Variants in NKAIN2 observed in about 807,000 individuals in gnomAD.
The protein encoded by NKAIN2 is sodium/potassium-transporting ATPase subunit beta-1-interacting protein 2.
In NKAIN2, 14 loss-of-function variants were observed where a neutral mutation model predicts 32.6. The observed-to-expected ratio is 0.43, with a 90% CI of 0.28 to 0.67. The LOEUF (loss-of-function observed/expected upper bound fraction) is 0.67. Among genes scored for constraint, NKAIN2 ranks in the 30% least tolerant of loss-of-function variants. The pLI, the probability that NKAIN2 is intolerant of heterozygous loss-of-function variation, is 0.17. For missense variants in NKAIN2, 198 were observed against 258.3 expected, an observed-to-expected ratio of 0.77 and a Z score of 1.60; for synonymous variants, 80 against 87.2, an observed-to-expected ratio of 0.92 and a Z score of 0.46.
At chr6:124,645,467 C>T (rs113095526) in intron 3 of NKAIN2, among the ~76,000 whole-genome samples, 181 of 152,328 alleles carry the variant, frequency 1.2e-3, no homozygotes, top group African/African-American at 4.2e-3. Context: ...TTAAAAACTG[C>T]ATACTATGCA....
chr6:124,125,975 C>T (rs163294), intron 1 of NKAIN2, among the ~76,000 whole-genome samples: 94,297 of 151,840 alleles, frequency 0.62, 29,439 homozygotes, highest in East Asian at 0.74. Flanking sequence ...CATCATCACC[C>T]TCTTCACCAC....
chr6:124,004,623 A>G (rs1780001779), intron 1 of NKAIN2, among the ~76,000 whole-genome samples: 2 of 151,838 alleles, frequency 1.3e-5, no homozygotes, highest in South Asian at 4.2e-4. Flanking sequence ...AGAAAACCAA[A>G]CACTGCATGT....
chr6:124,134,332 C>T (rs1200633711), intron 1 of NKAIN2, among the ~76,000 whole-genome samples: 2 of 152,028 alleles, frequency 1.3e-5, no homozygotes, highest in Non-Finnish European at 2.9e-5. Context: ...CTAACCCCAT[C>T]AGACAAAGAA....
intron 2 of NKAIN2, among the ~76,000 whole-genome samples, chr6:124,300,787 A>G (rs1362896050): frequency 6.6e-6 from 1 of 152,156 alleles, no homozygotes; most frequent in Non-Finnish European, 1.5e-5. Context: ...TGCCCTAGAG[A>G]TCTGTGAAAC....
chr6:123,823,713 GAAGT>G (rs1042042591), intron 1 of NKAIN2, among the ~76,000 whole-genome samples: 3 of 152,058 alleles, frequency 2.0e-5, no homozygotes, highest in Admixed American at 2.0e-4. Context: ...GAAGAGAAAA[GAAGT>G]AATTTGAGTA....
At chr6:124,767,861 C>T (rs2114751668) in intron 4 of NKAIN2, among the ~76,000 whole-genome samples, 1 of 152,270 alleles carries the variant, frequency 6.6e-6, no homozygotes, top group South Asian at 2.1e-4. Context: ...CACTAAAGTG[C>T]AATCTCTGGG....
chr6:124,497,613 A>G (rs1778111244), intron 3 of NKAIN2, among the ~76,000 whole-genome samples: 4 of 152,110 alleles, frequency 2.6e-5, no homozygotes, highest in Admixed American at 2.6e-4. Flanking sequence ...TTGGAAAAAT[A>G]ATTATCTTTA....
rs1363719973 is a variant in NKAIN2, at chr6:124,221,542, AACTT to A, written c.55-61461_55-61458del. Among the ~76,000 whole-genome samples the A allele has an allele frequency of 2.0e-5, 3 of 152,266 alleles. No homozygotes were observed. The East Asian group carries it at 5.8e-4, about 30-fold the overall frequency. ...TGCACAATGTGCACATGTGCCCTAA[AACTT>A]AAAGTATAATAATAAGAGAGAGAAA... On this transcript the variant is annotated intron_variant, in intron 1 of 6. Transcript: ENST00000368417.
intron 1 of NKAIN2, among the ~76,000 whole-genome samples, chr6:124,028,030 CT>C (rs1332503236): frequency 6.6e-6 from 1 of 152,094 alleles, no homozygotes; most frequent in African/African-American, 2.4e-5. Context: ...TATAATGATA[CT>C]GGAAGATATG....
chr6:124,446,492 G>A (rs1775899362), intron 3 of NKAIN2, among the ~76,000 whole-genome samples: 1 of 151,776 alleles, frequency 6.6e-6, no homozygotes, highest in South Asian at 2.1e-4. Flanking sequence ...ACAGCCATGT[G>A]CTACCACACC....
chr6:124,128,562 A>G (rs1786300253), intron 1 of NKAIN2, among the ~76,000 whole-genome samples: 1 of 152,090 alleles, frequency 6.6e-6, no homozygotes, highest in Non-Finnish European at 1.5e-5. Flanking sequence ...AAGCATTCAA[A>G]TTTTCCCCAT....
intron 1 of NKAIN2, among the ~76,000 whole-genome samples, chr6:123,886,143 A>G (rs927446755): frequency 6.6e-6 from 1 of 152,120 alleles, no homozygotes; most frequent in Non-Finnish European, 1.5e-5. Context: ...AGGAACATAC[A>G]GATTCACTGG....
At chr6:123,818,343 C>A (rs1490355) in intron 1 of NKAIN2, among the ~76,000 whole-genome samples, 1 of 143,822 alleles carries the variant, frequency 7.0e-6, no homozygotes, top group Non-Finnish European at 1.5e-5. Context: ...AATTTTCAGA[C>A]TTCTTGTGGA....
intron 3 of NKAIN2, among the ~76,000 whole-genome samples, chr6:124,553,243 A>G (rs1392068184): frequency 6.6e-6 from 1 of 152,218 alleles, no homozygotes; most frequent in Non-Finnish European, 1.5e-5. Flanking sequence ...TATGGTAGAT[A>G]AAAGGGACAG....
intron 1 of NKAIN2, among the ~76,000 whole-genome samples, chr6:123,972,943 A>G (rs1778408160): frequency 1.3e-5 from 2 of 152,182 alleles, no homozygotes; most frequent in Non-Finnish European, 2.9e-5. Flanking sequence ...CATAAAATTA[A>G]TATAATCAAA....
At position 124,286,547 on chromosome 6, in the gene NKAIN2, A is replaced by G. The variant is rs56133411; in HGVS notation, c.192+3405A>G. Among the ~76,000 whole-genome samples the G allele has an allele frequency of 2.1e-3, 319 of 152,248 alleles. 2 individuals are homozygous for G. Among genetic ancestry groups the G allele is most frequent in the African/African-American group, 6.9e-3 (287 of 41,552 alleles). On this transcript the variant is annotated intron_variant, in intron 2 of 6. Transcript: ENST00000368417. ...TCATAGTTGTTAATTTGATAGAAGA[A>G]AAAATGTTATTTTCATTTTTAATTG...
At chr6:124,727,221 T>C (rs1480478585) in intron 4 of NKAIN2, among the ~76,000 whole-genome samples, 3 of 151,172 alleles carry the variant, frequency 2.0e-5, no homozygotes, top group Admixed American at 1.3e-4. Context: ...ACAAAGATAC[T>C]CCTCGAGAAG....
intron 1 of NKAIN2, among the ~76,000 whole-genome samples, chr6:124,136,198 C>T (rs1425812838): frequency 1.3e-5 from 2 of 151,904 alleles, no homozygotes; most frequent in Non-Finnish European, 2.9e-5. Flanking sequence ...GATATTACAA[C>T]CAATACCACA....
chr6:124,746,281 A>T (rs1007424364), intron 4 of NKAIN2, among the ~76,000 whole-genome samples: 3 of 151,920 alleles, frequency 2.0e-5, no homozygotes, highest in African/African-American at 7.2e-5. Context: ...AGGAGAAAAG[A>T]AAATTAGTGC....
Sources: allele counts gnomAD v4.1 joint callset (sites outside exome capture counted in the v4.1 genomes callset), GRCh38; gene constraint gnomAD v4.1.1; transcripts MANE v1.5; gene names NCBI Gene and HGNC (gene_info 2026-07-23, HGNC 2026-07-21).